VEPH1: variants seen among roughly 807,000 people sequenced by gnomAD.
VEPH1 encodes ventricular zone expressed PH domain containing 1, also known as ventricular zone-expressed PH domain-containing protein homolog 1.
Under a neutral mutation model 85.2 loss-of-function variants are expected in VEPH1, and 80 were observed. That is an observed-to-expected ratio of 0.94 (90% CI 0.78 to 1.13). The LOEUF is 1.13. Ranked by LOEUF, VEPH1 falls within the 50% of genes most tolerant of loss-of-function variation. The pLI is 0.00. For missense variants in VEPH1, 955 were observed against 980.5 expected, an observed-to-expected ratio of 0.97 and a Z score of 0.35; for synonymous variants, 297 against 348.0, an observed-to-expected ratio of 0.85 and a Z score of 1.63.
chr3:157,437,925 A>G, intron 4 of VEPH1: 1 of 1,528,226 alleles, frequency 6.5e-7, no homozygotes, highest in Non-Finnish European at 8.7e-7. Context: ...GTAAGGAGGC[A>G]AGCGGGGCCG....
chr3:157,500,692 T>C (rs1488950710), intron 1 of VEPH1, among the ~76,000 whole-genome samples: 1 of 152,214 alleles, frequency 6.6e-6, no homozygotes, highest in Non-Finnish European at 1.5e-5. Flanking sequence ...TAATCCTCTA[T>C]TCATTATTAC....
At position 157,303,126 on chromosome 3, in the gene VEPH1, C is replaced by A. The variant is rs189143932; in HGVS notation, c.2010+10495G>T. Among the ~76,000 whole-genome samples the A allele has an allele frequency of 7.5e-3, 1,135 of 152,260 alleles. 15 individuals are homozygous for A. The highest frequency in any genetic ancestry group is 9.6e-3 in the Non-Finnish European group (651 of 68,018). ...CATTTGAAGAGAATGCTCTAATACA[C>A]CAAAGCTTTTCCTTTCTCTTATTCT... On this transcript the variant is annotated intron_variant, in intron 11 of 13. Coordinates refer to ENST00000362010, the MANE Select transcript of VEPH1 (RefSeq NM_001167912.2).
chr3:157,436,244 T>A (rs1365222809), intron 4 of VEPH1, among the ~76,000 whole-genome samples: 1 of 151,344 alleles, frequency 6.6e-6, no homozygotes, highest in Non-Finnish European at 1.5e-5. Context: ...ACCATTGCAC[T>A]CCAGCCTGGG....
chr3:157,428,628 A>G (rs891192689), intron 4 of VEPH1, 140 bp from the exon 5 acceptor site: 12 of 714,524 alleles, frequency 1.7e-5, no homozygotes, highest in Non-Finnish European at 4.5e-6. Context: ...TAAAAATAAC[A>G]TGGTACCTTA....
chr3:157,460,116 G>C lies in VEPH1; in HGVS notation c.529+65C>G, dbSNP rs575890801. The C allele has an allele frequency of 1.2e-5, 19 of 1,613,604 alleles. No homozygotes were observed. In the African/African-American group the frequency reaches 2.5e-4, roughly 22 times the overall value. Reference sequence around the variant, plus strand: ...GTCTTGCTTCCCACAAACCATAAATGCTTGATGAAAATACTTTTAAATATC... The same window carrying C: ...GTCTTGCTTCCCACAAACCATAAATCCTTGATGAAAATACTTTTAAATATC... On this transcript the variant is annotated intron_variant, in intron 4 of 13. Coordinates refer to ENST00000362010, the MANE Select transcript of VEPH1 (RefSeq NM_001167912.2).
chr3:157,463,590 G>A (rs1240401796), intron 3 of VEPH1, among the ~76,000 whole-genome samples: 1 of 152,134 alleles, frequency 6.6e-6, no homozygotes, highest in Non-Finnish European at 1.5e-5. Context: ...CTGAGAGGCT[G>A]GCTGCTCCCT....
At chr3:157,471,966 A>C (rs998607234) in intron 2 of VEPH1, among the ~76,000 whole-genome samples, 5 of 152,166 alleles carry the variant, frequency 3.3e-5, no homozygotes, top group African/African-American at 9.7e-5. Flanking sequence ...CATCGTACAA[A>C]AATTCAAAAG....
intron 2 of VEPH1, among the ~76,000 whole-genome samples, chr3:157,479,181 G>C (rs1327400045): frequency 6.6e-6 from 1 of 152,024 alleles, no homozygotes; most frequent in Non-Finnish European, 1.5e-5. Context: ...TTTATGTTTG[G>C]GCTCGACATT....
intron 5 of VEPH1, among the ~76,000 whole-genome samples, chr3:157,424,698 C>A (rs1732620629): frequency 6.6e-6 from 1 of 152,128 alleles, no homozygotes. Flanking sequence ...ATTTCTGGAA[C>A]TTTGAACTTG....
At chr3:157,301,541 G>C (rs947685046) in intron 11 of VEPH1, among the ~76,000 whole-genome samples, 2 of 152,104 alleles carry the variant, frequency 1.3e-5, no homozygotes, top group Admixed American at 1.3e-4. Flanking sequence ...CATATGCTAT[G>C]TTTCCTTCTT....
At chr3:157,485,544 G>A (rs1396092859) in intron 2 of VEPH1, among the ~76,000 whole-genome samples, 1 of 151,864 alleles carries the variant, frequency 6.6e-6, no homozygotes, top group Non-Finnish European at 1.5e-5. Context: ...CCCAAGAGTG[G>A]CAGGAAATAA....
intron 2 of VEPH1, chr3:157,489,195 T>C (rs187044446): frequency 2.1e-4 from 95 of 456,490 alleles, no homozygotes; most frequent in Non-Finnish European, 3.5e-4. Context: ...AATTAGACCA[T>C]GTTACTTCTG....
intron 7 of VEPH1, among the ~76,000 whole-genome samples, chr3:157,377,957 T>C (rs1048286540): frequency 3.3e-5 from 5 of 152,122 alleles, no homozygotes; most frequent in Non-Finnish European, 5.9e-5. Flanking sequence ...CTCAGAAATG[T>C]CAACTGGCCT....
intron 11 of VEPH1, among the ~76,000 whole-genome samples, chr3:157,306,404 T>C (rs1407815321): frequency 6.6e-6 from 1 of 152,172 alleles, no homozygotes; most frequent in Non-Finnish European, 1.5e-5. Flanking sequence ...TATGCTATCA[T>C]AGTATTCATA....
intron 11 of VEPH1, among the ~76,000 whole-genome samples, chr3:157,299,684 G>A (rs1718562959): frequency 8.3e-6 from 1 of 120,160 alleles, no homozygotes; most frequent in Admixed American, 1.0e-4. Flanking sequence ...TAGATGCTGG[G>A]ACATGCAGAC....
chr3:157,364,258 G>T, intron 8 of VEPH1, 45 bp downstream of exon 8: 2 of 1,450,166 alleles, frequency 1.4e-6, no homozygotes, highest in Non-Finnish European at 1.9e-6. Context: ...AGCTAATAGC[G>T]AACATGAAGT....
rs780427682 is a variant in VEPH1 at position 157,313,769 on chromosome 3, A to G, written c.1876-14T>C. On this transcript the variant is annotated splice_polypyrimidine_tract_variant and intron_variant, in intron 10 of 13. Coordinates refer to ENST00000362010, the MANE Select transcript of VEPH1 (RefSeq NM_001167912.2). The stretch of plus-strand genomic sequence containing the variant: ...AGGAAACAGGCTCTGAAAGGGCATT[A>G]AAGACAGAAACAGAATATACTATGT... 5.5e-5 allele frequency: 88 copies of G among 1,614,030 alleles called. 1 individual carries two copies. The highest frequency in any genetic ancestry group is 6.9e-5 in the Non-Finnish European group (82 of 1,179,932).
At chr3:157,369,392 T>C (rs1050853304) in intron 7 of VEPH1, among the ~76,000 whole-genome samples, 3 of 152,112 alleles carry the variant, frequency 2.0e-5, no homozygotes, top group African/African-American at 4.8e-5. Flanking sequence ...ATAAAATGTC[T>C]GGGATAAAGA....
chr3:157,440,698 A>T (rs1347768714), intron 4 of VEPH1, among the ~76,000 whole-genome samples: 2 of 151,922 alleles, frequency 1.3e-5, no homozygotes, highest in African/African-American at 4.8e-5. Context: ...ATATATATTT[A>T]TGTATATAGA....
Sources: allele counts gnomAD v4.1 joint callset (sites outside exome capture counted in the v4.1 genomes callset), GRCh38; gene constraint gnomAD v4.1.1; transcripts MANE v1.5; gene names NCBI Gene and HGNC (gene_info 2026-07-23, HGNC 2026-07-21).